The following ACYP2 variants were observed in gnomAD, a reference collection of about 807,000 sequenced individuals.
ACYP2 encodes acylphosphatase 2.
ACYP2 carries 12 observed loss-of-function variants against 11.2 expected under a neutral mutation model. That is an observed-to-expected ratio of 1.08 (90% CI 0.69 to 1.74). The LOEUF is 1.74. Ranked by LOEUF, ACYP2 falls within the 40% of genes most tolerant of loss-of-function variation. ACYP2 has a pLI of 0.00. For missense variants in ACYP2, 134 were observed against 101.9 expected (o/e 1.31, Z -1.35); for synonymous variants, 43 against 32.2 (o/e 1.33, Z -1.13).
chr2:54,050,949 T>C lies in ACYP2; in HGVS notation c.63-9T>C, dbSNP rs1675830202. The C allele has an allele frequency of 4.9e-6, 2 of 407,758 alleles. 1 individual carries two copies. The highest frequency in any genetic ancestry group is 2.3e-4 in the South Asian group (2 of 8,858). 25.3% of individuals were successfully genotyped at this position (407,758 alleles called of 1,614,324 possible). On this transcript the variant is annotated splice_polypyrimidine_tract_variant and intron_variant, in intron 2 of 6. Coordinates refer to ENST00000607452, the MANE Select transcript of ACYP2 (RefSeq NM_001320586.2). ...ACCCAACTAATTAAATTTTTTTCTT[T>C]TTTTGTAGATACAAGGTCTCGCTGT...
chr2:54,174,209 G>A (rs1572889803), intron 6 of ACYP2, among the ~76,000 whole-genome samples: 1 of 152,106 alleles, frequency 6.6e-6, no homozygotes, highest in East Asian at 1.9e-4. Context: ...TTATTTTGTT[G>A]AGCAGTGATT....
intron 6 of ACYP2, among the ~76,000 whole-genome samples, chr2:54,177,884 G>T: frequency 7.0e-6 from 1 of 142,574 alleles, no homozygotes; most frequent in African/African-American, 2.7e-5. Context: ...CCGGCCTCCT[G>T]TTTCTTTTCT....
intron 2 of ACYP2, among the ~76,000 whole-genome samples, chr2:54,015,642 C>G (rs1558473016): frequency 1.7e-5 from 2 of 121,044 alleles, no homozygotes; most frequent in African/African-American, 6.8e-5. Context: ...GAGTGAGACC[C>G]CGTCACACAC....
chr2:54,017,658 A>T (rs990019208), intron 2 of ACYP2, among the ~76,000 whole-genome samples: 1 of 152,128 alleles, frequency 6.6e-6, no homozygotes, highest in African/African-American at 2.4e-5. Flanking sequence ...TTATAGATAG[A>T]CGTAGTTCAG....
At chr2:54,147,758 C>A (rs1010681998) in intron 6 of ACYP2, among the ~76,000 whole-genome samples, 14 of 152,152 alleles carry the variant, frequency 9.2e-5, no homozygotes, top group African/African-American at 3.4e-4. Flanking sequence ...CTCCTGGCCT[C>A]AAGTGATCCT....
chr2:54,110,773 G>T (rs1032884689), intron 4 of ACYP2, among the ~76,000 whole-genome samples: 1 of 151,984 alleles, frequency 6.6e-6, no homozygotes, highest in African/African-American at 2.4e-5. Context: ...ATCACCCCAA[G>T]CTCAGTGAGA....
At chr2:54,255,056 C>T in intron 6 of ACYP2, 2 of 1,614,124 alleles carry the variant, frequency 1.2e-6, no homozygotes, top group Non-Finnish European at 1.7e-6. Flanking sequence ...ATAATCTGAG[C>T]AATCCTGTCG....
At chr2:54,012,456 C>T (rs1673426118) in intron 2 of ACYP2, among the ~76,000 whole-genome samples, 1 of 152,208 alleles carries the variant, frequency 6.6e-6, no homozygotes, top group African/African-American at 2.4e-5. Flanking sequence ...GTTGAGGCTG[C>T]AGTGAGCCAT....
At chr2:54,081,031 T>C (rs985485278) in intron 4 of ACYP2, among the ~76,000 whole-genome samples, 45 of 152,362 alleles carry the variant, frequency 3.0e-4, no homozygotes, top group African/African-American at 1.0e-3. Context: ...ATGGTTTATA[T>C]GATTTCAGGA....
chr2:54,071,383 A>C (rs1677033914), intron 4 of ACYP2, among the ~76,000 whole-genome samples: 1 of 152,164 alleles, frequency 6.6e-6, no homozygotes. Flanking sequence ...TGTGTACAAA[A>C]TACAAAGGAA....
intron 2 of ACYP2, among the ~76,000 whole-genome samples, chr2:54,013,638 C>G (rs1026232800): frequency 6.6e-6 from 1 of 151,444 alleles, no homozygotes; most frequent in African/African-American, 2.4e-5. Context: ...TATTTATTGC[C>G]TGCACTTCTA....
intron 6 of ACYP2, among the ~76,000 whole-genome samples, chr2:54,191,450 G>A (rs927815251): frequency 6.6e-6 from 1 of 152,186 alleles, no homozygotes; most frequent in African/African-American, 2.4e-5. Flanking sequence ...TAGTGGTTAA[G>A]AGCAAGACTC....
intron 6 of ACYP2, among the ~76,000 whole-genome samples, chr2:54,162,499 C>G (rs546132272): frequency 6.6e-6 from 1 of 152,176 alleles, no homozygotes; most frequent in East Asian, 1.9e-4. Flanking sequence ...GTTCCTAGGC[C>G]AGCAGCAGCA....
chr2:54,066,878 A>G (rs768652840), intron 4 of ACYP2, among the ~76,000 whole-genome samples: 27 of 152,336 alleles, frequency 1.8e-4, no homozygotes, highest in Middle Eastern at 3.4e-3. Context: ...GAGAAAAAGG[A>G]TCAGAAGCTT....
At chr2:54,041,200 G>A (rs1349036199) in intron 2 of ACYP2, among the ~76,000 whole-genome samples, 1 of 151,908 alleles carries the variant, frequency 6.6e-6, no homozygotes, top group African/African-American at 2.4e-5. Flanking sequence ...GCCTGCCTCA[G>A]CCTCCTAAAG....
At chr2:54,227,907 A>C (rs1686076664) in intron 6 of ACYP2, among the ~76,000 whole-genome samples, 2 of 152,224 alleles carry the variant, frequency 1.3e-5, no homozygotes, top group South Asian at 4.1e-4. Context: ...CTCAAAGCTA[A>C]CAATATTTTG....
At chr2:54,239,750 C>G (rs1572977723) in intron 6 of ACYP2, among the ~76,000 whole-genome samples, 2 of 152,082 alleles carry the variant, frequency 1.3e-5, no homozygotes, top group African/African-American at 4.8e-5. Context: ...CCATGGTGAC[C>G]TAAGAAGGTG....
At chr2:54,065,325 G>T (rs977577456) in intron 4 of ACYP2, 1 of 393,572 alleles carries the variant, frequency 2.5e-6, no homozygotes, top group East Asian at 3.6e-5. Flanking sequence ...GGAGGCCCAG[G>T]TACTTTGTTT....
chr2:54,228,162 C>T (rs932756781), intron 6 of ACYP2, among the ~76,000 whole-genome samples: 1 of 152,192 alleles, frequency 6.6e-6, no homozygotes, highest in Non-Finnish European at 1.5e-5. Context: ...ACATTTACTA[C>T]ACACTGCATT....
Sources: gnomAD v4.1 joint callset for allele counts (sites outside exome capture counted in the v4.1 genomes callset) on GRCh38, gnomAD v4.1.1 for gene constraint, MANE v1.5 for transcripts, NCBI Gene and HGNC (gene_info 2026-07-23, HGNC 2026-07-21) for gene names.